Variants in SLC14A2 observed in about 807,000 individuals in gnomAD.
The protein encoded by SLC14A2 is urea transporter 2.
Under a neutral mutation model 104.6 loss-of-function variants are expected in SLC14A2, and 91 were observed. The ratio of observed to expected loss-of-function variants is 0.87; its 90% CI spans 0.73 to 1.04. The LOEUF is 1.04. Among genes scored for constraint, SLC14A2 ranks in the 50% least tolerant of loss-of-function variants. The pLI, the probability that SLC14A2 is intolerant of heterozygous loss-of-function variation, is 0.00. For synonymous variants in SLC14A2, 476 were observed against 466.4 expected, an observed-to-expected ratio of 1.02 and a Z score of -0.27; for missense variants, 1,189 against 1,156.0, an observed-to-expected ratio of 1.03 and a Z score of -0.41.
intron 1 of SLC14A2, among the ~76,000 whole-genome samples, chr18:45,407,466 A>C (rs2086167576): frequency 6.6e-6 from 1 of 152,210 alleles, no homozygotes; most frequent in South Asian, 2.1e-4. Flanking sequence ...ATCAGCAATA[A>C]GAATGTTTTG....
intron 2 of SLC14A2, among the ~76,000 whole-genome samples, chr18:45,496,015 T>C (rs1174499597): frequency 6.6e-6 from 1 of 152,228 alleles, no homozygotes; most frequent in Non-Finnish European, 1.5e-5. Flanking sequence ...ACCAGTTTCC[T>C]GGGGCCAATG....
chr18:45,476,875 A>G (rs1164279007), intron 1 of SLC14A2, among the ~76,000 whole-genome samples: 2 of 152,172 alleles, frequency 1.3e-5, no homozygotes, highest in African/African-American at 4.8e-5. Flanking sequence ...CTAGTTAGCA[A>G]TTCCTCTAAC....
chr18:45,465,015 G>C (rs187835264), intron 1 of SLC14A2, among the ~76,000 whole-genome samples: 59 of 152,284 alleles, frequency 3.9e-4, no homozygotes, highest in Admixed American at 7.2e-4. Context: ...ACAAGGAAAG[G>C]GGCAGCCTCA....
chr18:45,410,278 A>C (rs1052713741), intron 1 of SLC14A2, among the ~76,000 whole-genome samples: 5 of 152,192 alleles, frequency 3.3e-5, no homozygotes, highest in African/African-American at 1.2e-4. Flanking sequence ...GACCAGTACC[A>C]GTCTATGACC....
intron 10 of SLC14A2, chr18:45,646,418 A>G (rs1568312413): frequency 6.6e-6 from 1 of 152,176 alleles, no homozygotes; most frequent in African/African-American, 2.4e-5. Flanking sequence ...AAATGGAGGC[A>G]AGGCTCCCAA....
chr18:45,249,155 C>G (rs1410542367), intron 1 of SLC14A2, among the ~76,000 whole-genome samples: 1 of 152,090 alleles, frequency 6.6e-6, no homozygotes, highest in African/African-American at 2.4e-5. Context: ...ACCGATAACT[C>G]CATTTATAAG....
At chr18:45,434,743 T>A (rs549311039) in intron 1 of SLC14A2, among the ~76,000 whole-genome samples, 1 of 152,280 alleles carries the variant, frequency 6.6e-6, no homozygotes, top group African/African-American at 2.4e-5. Context: ...TAAACTGCAA[T>A]TGGTTTCTAA....
intron 1 of SLC14A2, among the ~76,000 whole-genome samples, chr18:45,404,175 T>C (rs1057018090): frequency 1.3e-5 from 2 of 152,204 alleles, no homozygotes; most frequent in Admixed American, 6.5e-5. Flanking sequence ...CAGTGTTATA[T>C]GTGTCCATAA....
intron 1 of SLC14A2, among the ~76,000 whole-genome samples, chr18:45,619,847 G>A (rs1749939363): frequency 6.6e-6 from 1 of 152,164 alleles, no homozygotes; most frequent in Admixed American, 6.5e-5. Context: ...TTGGGAGCAC[G>A]AGAAGAGGGA....
chr18:45,474,543 C>G (rs1242936883), intron 1 of SLC14A2, among the ~76,000 whole-genome samples: 1 of 152,138 alleles, frequency 6.6e-6, no homozygotes. Context: ...TAATTATTGC[C>G]TCAATTTCAG....
At chr18:45,633,674 T>C (rs1056868605) in intron 5 of SLC14A2, among the ~76,000 whole-genome samples, 2 of 152,246 alleles carry the variant, frequency 1.3e-5, no homozygotes, top group Admixed American at 1.3e-4. Flanking sequence ...TTATTCTTAT[T>C]GTCAGCAATA....
chr18:45,230,347 G>T (rs895896588), intron 1 of SLC14A2, among the ~76,000 whole-genome samples: 6 of 152,174 alleles, frequency 3.9e-5, no homozygotes, highest in African/African-American at 1.4e-4. Flanking sequence ...TGTTTTGGGG[G>T]GCTTCTAGGG....
At chr18:45,320,108 A>T (rs1348275219) in intron 1 of SLC14A2, among the ~76,000 whole-genome samples, 1 of 152,292 alleles carries the variant, frequency 6.6e-6, no homozygotes, top group East Asian at 1.9e-4. Context: ...TTGTTTAATA[A>T]TTGTTGCAAA....
chr18:45,185,676 T>A, the SLC14A2 span, among the ~76,000 whole-genome samples: 489 of 152,152 alleles, frequency 3.2e-3, 12 homozygotes, highest in South Asian at 0.042. Context: ...TCATCAAATT[T>A]TGAAAGAAAA....
intron 1 of SLC14A2, among the ~76,000 whole-genome samples, chr18:45,246,315 A>C (rs1329942923): frequency 6.6e-6 from 1 of 152,122 alleles, no homozygotes; most frequent in Non-Finnish European, 1.5e-5. Flanking sequence ...GAGGAAGTAA[A>C]TTTCTGTAGT....
At chr18:45,637,309 G>A (rs1445079437) in intron 6 of SLC14A2, 127 bp downstream of exon 6, 7 of 698,182 alleles carry the variant, frequency 1.0e-5, no homozygotes, top group Non-Finnish European at 1.7e-5. Context: ...ATGGGCCTCA[G>A]CAGGGTATCA....
intron 1 of SLC14A2, among the ~76,000 whole-genome samples, chr18:45,281,538 G>C (rs539456001): frequency 6.6e-6 from 1 of 152,266 alleles, no homozygotes; most frequent in African/African-American, 2.4e-5. Context: ...GTTTCTTCAG[G>C]CTCTTTCCAA....
At chr18:45,572,878 TA>T (rs923549092) in intron 2 of SLC14A2, among the ~76,000 whole-genome samples, 18 of 151,856 alleles carry the variant, frequency 1.2e-4, no homozygotes, top group African/African-American at 2.9e-4. Flanking sequence ...CTGAGAGGTT[TA>T]AAAAAAAATT....
intron 2 of SLC14A2, among the ~76,000 whole-genome samples, chr18:45,553,234 T>C (rs764795159): frequency 3.2e-4 from 49 of 152,238 alleles, no homozygotes; most frequent in Non-Finnish European, 6.5e-4. Context: ...ACAATGTTCA[T>C]AGCCCAACAG....
Sources: gnomAD v4.1 joint callset for allele counts (sites outside exome capture counted in the v4.1 genomes callset) on GRCh38, gnomAD v4.1.1 for gene constraint, MANE v1.5 for transcripts, NCBI Gene and HGNC (gene_info 2026-07-23, HGNC 2026-07-21) for gene names.